The following ERC1 variants were observed in gnomAD, a reference collection of about 807,000 sequenced individuals.
The protein encoded by ERC1 is RAB6 interacting protein 2.
Under a neutral mutation model 132.0 loss-of-function variants are expected in ERC1, and 56 were observed. The ratio of observed to expected loss-of-function variants is 0.42; its 90% confidence interval spans 0.34 to 0.53. The LOEUF is 0.53. Ranked by LOEUF, ERC1 falls within the 20% of genes least tolerant of loss-of-function variation. ERC1 has a pLI of 0.03. For missense variants in ERC1, 1,202 were observed against 1,349.9 expected, an observed-to-expected ratio of 0.89 and a Z score of 1.72; for synonymous variants, 478 against 476.1, an observed-to-expected ratio of 1.00 and a Z score of -0.05.
At position 1,171,818 on chromosome 12, in the gene ERC1, A is replaced by G. The variant is rs1953096162; in HGVS notation, c.1738-8722A>G. On this transcript the variant is annotated intron_variant, in intron 8 of 18. Coordinates refer to ENST00000360905, the MANE Select transcript of ERC1 (RefSeq NM_178040.4). ...TGATTTGGGCCTCAAAGGCAGAGTA[A>G]TCAGTTCCACTTGACTGGAAATAAA... Among the ~76,000 whole-genome samples, 3 of 152,324 alleles carry G rather than the reference A, an allele frequency of 2.0e-5. No individual in the cohort carries two copies. In the South Asian group the frequency reaches 6.2e-4, roughly 32 times the overall value.
intron 2 of ERC1, among the ~76,000 whole-genome samples, chr12:1,076,093 A>C (rs754307331): frequency 6.6e-6 from 1 of 152,210 alleles, no homozygotes; most frequent in Non-Finnish European, 1.5e-5. Flanking sequence ...TCTTTCTTGA[A>C]TATTGTTGTT....
intron 17 of ERC1, among the ~76,000 whole-genome samples, chr12:1,409,079 C>T (rs777075605): frequency 9.9e-5 from 15 of 152,132 alleles, no homozygotes; most frequent in East Asian, 1.9e-4. Context: ...ACAGCTATGG[C>T]GTTATCTTAG....
At position 1,129,491 on chromosome 12, in the gene ERC1, A is replaced by G. The variant is rs146104767; in HGVS notation, c.1570-12129A>G. Among the ~76,000 whole-genome samples the G allele has an allele frequency of 9.3e-3, 1,423 of 152,272 alleles. 20 individuals are homozygous for G. The highest frequency in any genetic ancestry group is 0.031 in the African/African-American group (1,295 of 41,566). On this transcript the variant is annotated intron_variant, in intron 7 of 18. Coordinates refer to ENST00000360905, the MANE Select transcript of ERC1 (RefSeq NM_178040.4). ...TAGTGAGCTATGATTGTGCCACTGC[A>G]CTCCAGCTTGGGCAATAGAGCGAGA... is the stretch of plus-strand genomic sequence containing the variant.
At chr12:1,388,520 C>T (rs1566744198) in intron 16 of ERC1, among the ~76,000 whole-genome samples, 1 of 152,122 alleles carries the variant, frequency 6.6e-6, no homozygotes, top group East Asian at 1.9e-4. Context: ...ACGTGAGACT[C>T]CAGAGCCAGG....
chr12:1,385,352 G>A (rs916314548), intron 16 of ERC1, among the ~76,000 whole-genome samples: 11 of 151,760 alleles, frequency 7.2e-5, no homozygotes, highest in African/African-American at 9.7e-5. Context: ...GTGTGATCAC[G>A]GCTCACTGCA....
chr12:1,230,040 T>C (rs2074909551), intron 12 of ERC1, among the ~76,000 whole-genome samples: 2 of 145,922 alleles, frequency 1.4e-5, no homozygotes, highest in South Asian at 2.3e-4. Flanking sequence ...GGAGTCTCAC[T>C]GTGTCACCCA....
chr12:1,270,892 A>G (rs1379741943), intron 14 of ERC1, among the ~76,000 whole-genome samples: 1 of 152,116 alleles, frequency 6.6e-6, no homozygotes, highest in Non-Finnish European at 1.5e-5. Context: ...AATGGAAACA[A>G]GGTCAAAGAG....
At chr12:1,209,908 T>C (rs1957706176) in intron 12 of ERC1, among the ~76,000 whole-genome samples, 1 of 152,236 alleles carries the variant, frequency 6.6e-6, no homozygotes, top group African/African-American at 2.4e-5. Context: ...AATCGACCTT[T>C]CCTTGGGTTT....
intron 12 of ERC1, among the ~76,000 whole-genome samples, chr12:1,219,924 G>A (rs1299040867): frequency 6.6e-6 from 1 of 152,148 alleles, no homozygotes; most frequent in East Asian, 1.9e-4. Context: ...AAACCTTCCT[G>A]TGTTCTCCCA....
intron 8 of ERC1, among the ~76,000 whole-genome samples, chr12:1,146,307 G>GTTTTT (rs1346178811): frequency 2.4e-3 from 141 of 59,320 alleles, no homozygotes; most frequent in Non-Finnish European, 3.6e-3. Context: ...GTATTTTACT[G>GTTTTT]GTTTTTTTTT....
chr12:1,366,977 C>G (rs967376362), intron 15 of ERC1, among the ~76,000 whole-genome samples: 1 of 152,084 alleles, frequency 6.6e-6, no homozygotes, highest in African/African-American at 2.4e-5. Context: ...TGAGGTCCAC[C>G]CACAGAGGCT....
At position 1,180,282 on chromosome 12, in the gene ERC1, TGCGCGCAC is replaced by T. The variant is rs147003275; in HGVS notation, c.1738-254_1738-247del. ...GTGTGTGTGTGTGTGTGTGTGTGTGTGCGCGCACGCGTGTGCGCGCGCGCATACACATG... is the reference window on the plus strand; with the variant it reads ...GTGTGTGTGTGTGTGTGTGTGTGTGTGCGTGTGCGCGCGCGCATACACATG... On this transcript the variant is annotated intron_variant, in intron 8 of 18. Transcript: ENST00000360905. Among the ~76,000 whole-genome samples, 230 of 144,284 alleles carry T rather than the reference TGCGCGCAC, an allele frequency of 1.6e-3. 3 individuals carry two copies. Among genetic ancestry groups the T allele is most frequent in the Middle Eastern group, 0.011 (3 of 268 alleles). The allele number at this position is 144,284 out of a possible 152,430, so 94.7% of individuals were successfully genotyped here.
chr12:1,444,698 A>G lies in ERC1; in HGVS notation c.3161A>G (p.Asp1054Gly). Reference protein sequence around the residue: ...GLTPPASYNLDDDQAAWENEL... With the variant: ...GLTPPASYNLGDDQAAWENEL... The stretch of plus-strand genomic sequence containing the variant: ...ACTCCACCAGCTTCCTATAACTTGG[A>G]CGATGACCAGGCGGCTTGGGAGAAT... Residue 1054 changes from aspartate (D) to glycine (G), a missense_variant, in exon 18 of 19, where the codon GAC becomes GGC. Asp to Gly is a moderately conservative substitution (Grantham distance 94, BLOSUM62 -1). Transcript: ENST00000360905. 1 of 1,614,152 alleles carries G rather than the reference A, an allele frequency of 6.2e-7. No homozygotes were observed. The highest frequency in any genetic ancestry group is 8.5e-7 in the Non-Finnish European group (1 of 1,180,028).
intron 1 of ERC1, among the ~76,000 whole-genome samples, chr12:1,008,879 T>C (rs1565772684): frequency 1.3e-5 from 2 of 152,210 alleles, no homozygotes; most frequent in East Asian, 3.8e-4. Context: ...CTAGCCACCT[T>C]TCAAGTGCTC....
intron 2 of ERC1, among the ~76,000 whole-genome samples, chr12:1,044,921 A>T (rs965148970): frequency 2.0e-5 from 3 of 152,158 alleles, no homozygotes; most frequent in African/African-American, 7.2e-5. Flanking sequence ...TCCATGAATT[A>T]TGGAGTGCTT....
intron 18 of ERC1, among the ~76,000 whole-genome samples, chr12:1,468,609 A>G (rs1463888543): frequency 1.3e-5 from 2 of 151,762 alleles, no homozygotes; most frequent in Non-Finnish European, 2.9e-5. Flanking sequence ...CAAAAAAGAA[A>G]GACAGAAAAA....
At chr12:1,057,585 GTTTTT>G (rs59761885) in intron 2 of ERC1, among the ~76,000 whole-genome samples, 15 of 47,690 alleles carry the variant, frequency 3.1e-4, no homozygotes, top group African/African-American at 9.5e-4. Context: ...GATGCGCATG[GTTTTT>G]TTTTTTTTTT....
At chr12:1,045,229 T>C (rs1970903995) in intron 2 of ERC1, among the ~76,000 whole-genome samples, 1 of 152,176 alleles carries the variant, frequency 6.6e-6, no homozygotes, top group African/African-American at 2.4e-5. Context: ...AGGTATACTT[T>C]GCTCACAATT....
In ERC1 at chr12:1,341,869, G is replaced by T. The variant is rs573051054; in HGVS notation, c.2781-29964G>T. ...GCCTGGAATATTTTTCATAAATTCTGTTGACAGTTTCTTGCTGAATCACTT... is the reference window on the plus strand; with the variant it reads ...GCCTGGAATATTTTTCATAAATTCTTTTGACAGTTTCTTGCTGAATCACTT... On this transcript the variant is annotated intron_variant, in intron 15 of 18. Transcript: ENST00000360905. Among the ~76,000 whole-genome samples the T allele has an allele frequency of 2.6e-3, 389 of 152,224 alleles. 3 individuals carry two copies. Among genetic ancestry groups the T allele is most frequent in the African/African-American group, 9.0e-3 (375 of 41,522 alleles).
Sources: allele counts gnomAD v4.1 joint callset (sites outside exome capture counted in the v4.1 genomes callset), GRCh38; gene constraint gnomAD v4.1.1; transcripts MANE v1.5; gene names NCBI Gene and HGNC (gene_info 2026-07-23, HGNC 2026-07-21).